Variants in ERGIC2 observed in about 807,000 individuals in gnomAD.
ERGIC2 encodes ERGIC and golgi 2.
A neutral mutation model predicts 52.5 loss-of-function variants in ERGIC2; 31 were observed. That is an observed-to-expected ratio of 0.59 (90% CI 0.44 to 0.80). The LOEUF (loss-of-function observed/expected upper bound fraction) is 0.80, where lower values mean the gene tolerates loss of function less well. ERGIC2 is among the 30% of genes least tolerant of loss of function. The pLI, the probability that ERGIC2 is intolerant of heterozygous loss-of-function variation, is 0.00. For synonymous variants in ERGIC2, 129 were observed against 140.6 expected, an observed-to-expected ratio of 0.92 and a Z score of 0.58; for missense variants, 395 against 455.2, an observed-to-expected ratio of 0.87 and a Z score of 1.20.
intron 4 of ERGIC2, among the ~76,000 whole-genome samples, chr12:29,367,383 A>G (rs1940379406): frequency 1.3e-5 from 2 of 151,866 alleles, no homozygotes; most frequent in South Asian, 4.1e-4. Flanking sequence ...ATCAACAAAT[A>G]GGAAATTTTA....
intron 5 of ERGIC2, 42 bp downstream of exon 5, chr12:29,366,835 C>A (rs917219281): frequency 1.2e-5 from 15 of 1,271,618 alleles, no homozygotes; most frequent in Non-Finnish European, 1.7e-5. Flanking sequence ...CGTACGATTC[C>A]TCAACCCGTG....
At position 29,371,608 on chromosome 12, in the gene ERGIC2, G is replaced by C. The variant is rs1243065461; in HGVS notation, c.26C>G (p.Thr9Ser). The change falls in exon 2 of 14, where the codon ACT becomes AGT. Residue 9 changes from threonine (T) to serine (S), a missense_variant. Physicochemically the swap from Thr to Ser is moderately conservative, Grantham distance 58. Transcript: ENST00000360150. ...ATCCAACTCTTTTACCAAACTTAAA[G>C]TTTTTTTCCGATTCAGTCGCCTCAT... Reference protein sequence around the residue: MRRLNRKKTLSLVKELDAF... With the variant: MRRLNRKKSLSLVKELDAF... The C allele has an allele frequency of 6.2e-7, 1 of 1,613,218 alleles. No homozygotes were observed. Among genetic ancestry groups the C allele is most frequent in the East Asian group, 2.2e-5 (1 of 44,828 alleles).
chr12:29,360,518 T>G (rs1432895915), intron 6 of ERGIC2, among the ~76,000 whole-genome samples: 2 of 147,758 alleles, frequency 1.4e-5, no homozygotes, highest in Non-Finnish European at 3.0e-5. Flanking sequence ...TGATATATTA[T>G]AAAATATATA....
intron 1 of ERGIC2, among the ~76,000 whole-genome samples, chr12:29,372,672 T>C (rs1156770016): frequency 2.0e-5 from 3 of 151,910 alleles, no homozygotes; most frequent in Non-Finnish European, 2.9e-5. Context: ...TTTCTTTTTT[T>C]GAGACAGGAT....
intron 8 of ERGIC2, among the ~76,000 whole-genome samples, chr12:29,353,553 C>T (rs1200557168): frequency 1.3e-5 from 2 of 151,976 alleles, no homozygotes; most frequent in African/African-American, 2.4e-5. Context: ...CTTTGAGCAT[C>T]GTGTTGACAA....
intron 3 of ERGIC2, 32 bp from the exon 4 acceptor site, chr12:29,368,319 A>G (rs1466408503): frequency 2.7e-6 from 3 of 1,127,566 alleles, no homozygotes; most frequent in Non-Finnish European, 4.0e-6. Context: ...ATTAGTACCT[A>G]CCAATTAATT....
At chr12:29,365,770 C>CA (rs1488734454) in intron 5 of ERGIC2, among the ~76,000 whole-genome samples, 1 of 151,160 alleles carries the variant, frequency 6.6e-6, no homozygotes, top group African/African-American at 2.4e-5. Flanking sequence ...TCACTTAGAT[C>CA]AAAATGAGCA....
intron 6 of ERGIC2, among the ~76,000 whole-genome samples, chr12:29,358,094 A>G (rs1340907517): frequency 6.6e-6 from 1 of 152,242 alleles, no homozygotes; most frequent in African/African-American, 2.4e-5. Flanking sequence ...GTAGATACAA[A>G]GAGTAGGACA....
intron 1 of ERGIC2, among the ~76,000 whole-genome samples, chr12:29,380,424 A>G (rs1940571965): frequency 6.6e-6 from 1 of 152,118 alleles, no homozygotes; most frequent in Non-Finnish European, 1.5e-5. Flanking sequence ...TCTCGGGGGC[A>G]CTAAAATATA....
chr12:29,381,087 A>C (rs73274821), intron 1 of ERGIC2, 28 bp downstream of exon 1: 1 of 152,340 alleles, frequency 6.6e-6, no homozygotes, highest in East Asian at 1.9e-4. Flanking sequence ...CCGAGGGAAC[A>C]GCACCCAGCG....
In ERGIC2 at chr12:29,345,534, T is replaced by A; in HGVS notation, c.734A>T (p.Gln245Leu). 6.4e-7 allele frequency: 1 copy of A among 1,567,396 alleles called. No individual in the cohort carries two copies. Among genetic ancestry groups the A allele is most frequent in the Non-Finnish European group, 8.8e-7 (1 of 1,141,518 alleles). ...GTEKIAIDHN[Q>L]MFQYFITVVP... Reference sequence around the variant, plus strand: ...AACTGTAATAAAATATTGGAACATCTGGTTGTCTAGAATACAAAAAAAACT... The same window carrying A: ...AACTGTAATAAAATATTGGAACATCAGGTTGTCTAGAATACAAAAAAAACT... The change falls in exon 11 of 14, where the codon CAG (glutamine) becomes CTG (leucine). Residue 245 changes from glutamine to leucine, a missense_variant. Physicochemically the swap from Gln to Leu is moderately radical, Grantham distance 113 (BLOSUM62 -2). Transcript: ENST00000360150.
chr12:29,366,310 G>A (rs1217672733), intron 5 of ERGIC2, among the ~76,000 whole-genome samples: 2 of 151,768 alleles, frequency 1.3e-5, no homozygotes, highest in Non-Finnish European at 2.9e-5. Flanking sequence ...ATAAATCTAC[G>A]ATGTTATATT....
At chr12:29,356,592 A>ATTTTTAACATTTAG in intron 7 of ERGIC2, 115 bp from the exon 8 acceptor site, 1 of 535,780 alleles carries the variant, frequency 1.9e-6, no homozygotes, top group Non-Finnish European at 3.3e-6. Context: ...GTAATATTCT[A>ATTTTTAACATTTAG]AATGTTAAAA....
At chr12:29,360,242 C>T (rs1591994065) in intron 6 of ERGIC2, among the ~76,000 whole-genome samples, 1 of 151,888 alleles carries the variant, frequency 6.6e-6, no homozygotes, top group African/African-American at 2.4e-5. Context: ...AATACACACA[C>T]ACACAAACAT....
At chr12:29,357,485 C>A (rs527298894) in intron 7 of ERGIC2, 138 bp downstream of exon 7, 2 of 531,278 alleles carry the variant, frequency 3.8e-6, no homozygotes, top group East Asian at 3.2e-5. Context: ...GAGCAAAAGG[C>A]GTCTTTATAG....
At chr12:29,374,623 C>T (rs1254751128) in intron 1 of ERGIC2, among the ~76,000 whole-genome samples, 2 of 152,170 alleles carry the variant, frequency 1.3e-5, no homozygotes, top group Non-Finnish European at 2.9e-5. Flanking sequence ...AAAATTGTTC[C>T]TCCTGTATCT....
At chr12:29,373,954 C>A (rs1940479272) in intron 1 of ERGIC2, among the ~76,000 whole-genome samples, 1 of 152,172 alleles carries the variant, frequency 6.6e-6, no homozygotes, top group Non-Finnish European at 1.5e-5. Flanking sequence ...GTAGTAACTG[C>A]ACAAAAACTG....
chr12:29,352,298 G>A (rs181316126), intron 8 of ERGIC2, among the ~76,000 whole-genome samples: 20 of 152,164 alleles, frequency 1.3e-4, no homozygotes, highest in South Asian at 2.1e-4. Flanking sequence ...TTTTGGACAC[G>A]AATTTAAATT....
At chr12:29,365,992 T>C (rs1376799652) in intron 5 of ERGIC2, among the ~76,000 whole-genome samples, 1 of 151,980 alleles carries the variant, frequency 6.6e-6, no homozygotes, top group East Asian at 1.9e-4. Flanking sequence ...CTAAAATTAA[T>C]TCAATAATCA....
Sources: gnomAD v4.1 joint callset for allele counts (sites outside exome capture counted in the v4.1 genomes callset) on GRCh38, gnomAD v4.1.1 for gene constraint, MANE v1.5 for transcripts, NCBI Gene and HGNC (gene_info 2026-07-23, HGNC 2026-07-21) for gene names.